The following CALN1 variants were observed in gnomAD, a reference collection of about 807,000 sequenced individuals.
CALN1 encodes the protein calneuron 1.
Under a neutral mutation model 30.6 loss-of-function variants are expected in CALN1, and 17 were observed. That is an observed-to-expected ratio of 0.56 (90% CI 0.38 to 0.83). The LOEUF is 0.83. Ranked by LOEUF, CALN1 falls within the 40% of genes least tolerant of loss-of-function variation. The pLI is 0.00. For synonymous variants in CALN1, 156 were observed against 131.4 expected, an observed-to-expected ratio of 1.19 and a Z score of -1.28; for missense variants, 291 against 354.9, an observed-to-expected ratio of 0.82 and a Z score of 1.45.
intron 2 of CALN1, among the ~76,000 whole-genome samples, chr7:72,316,095 G>C (rs902812810): frequency 2.0e-5 from 3 of 151,690 alleles, no homozygotes; most frequent in Non-Finnish European, 4.4e-5. Context: ...AGTTTGCAGT[G>C]AGCTGAGATT....
chr7:72,196,252 G>A (rs1471784411), intron 3 of CALN1, among the ~76,000 whole-genome samples: 1 of 152,096 alleles, frequency 6.6e-6, no homozygotes, highest in Non-Finnish European at 1.5e-5. Flanking sequence ...CAGGTAGCTG[G>A]GGCTACAGGC....
At chr7:71,946,758 T>C (rs897576840) in intron 5 of CALN1, among the ~76,000 whole-genome samples, 1 of 152,106 alleles carries the variant, frequency 6.6e-6, no homozygotes, top group African/African-American at 2.4e-5. Flanking sequence ...GAAAATAAAC[T>C]GTAAGGCATT....
intron 3 of CALN1, among the ~76,000 whole-genome samples, chr7:72,257,983 T>C (rs907913863): frequency 1.3e-5 from 2 of 150,838 alleles, no homozygotes; most frequent in African/African-American, 4.9e-5. Flanking sequence ...GGGAGGGGAG[T>C]GAGGGATAAA....
At chr7:72,231,513 T>G (rs2129550634) in intron 3 of CALN1, among the ~76,000 whole-genome samples, 1 of 152,330 alleles carries the variant, frequency 6.6e-6, no homozygotes, top group African/African-American at 2.4e-5. Flanking sequence ...TACCACATTT[T>G]CTTTATCTAG....
At chr7:72,240,406 G>A (rs577542470) in intron 3 of CALN1, among the ~76,000 whole-genome samples, 3 of 152,136 alleles carry the variant, frequency 2.0e-5, no homozygotes, top group South Asian at 2.1e-4. Context: ...TGTTGTACAG[G>A]CTGATCTTGA....
chr7:71,894,384 C>G (rs1793423112), intron 5 of CALN1, among the ~76,000 whole-genome samples: 1 of 152,130 alleles, frequency 6.6e-6, no homozygotes, highest in Admixed American at 6.5e-5. Flanking sequence ...GTCACCTCAG[C>G]CTTCTGAATT....
At chr7:72,087,765 A>G (rs1409347486) in intron 4 of CALN1, among the ~76,000 whole-genome samples, 8 of 152,210 alleles carry the variant, frequency 5.3e-5, no homozygotes, top group Admixed American at 4.6e-4. Context: ...CCAGGATCTA[A>G]GCTGTGGATA....
intron 5 of CALN1, among the ~76,000 whole-genome samples, chr7:72,016,998 C>CACAAAAAAAAAAAAAAA (rs1800419757): frequency 3.1e-5 from 1 of 31,962 alleles, no homozygotes; most frequent in Non-Finnish European, 5.8e-5. Flanking sequence ...ACTAAAAATA[C>CACAAAAAAAAAAAAAAA]AAAAAAAAAA....
intron 6 of CALN1, among the ~76,000 whole-genome samples, chr7:71,806,092 A>T (rs1787593213): frequency 6.6e-6 from 1 of 152,146 alleles, no homozygotes; most frequent in South Asian, 2.1e-4. Context: ...AAAAATAGCT[A>T]ATGCATGCTG....
At chr7:71,809,473 A>AAAAAAAAAG (rs1312845801) in intron 6 of CALN1, among the ~76,000 whole-genome samples, 1 of 151,268 alleles carries the variant, frequency 6.6e-6, no homozygotes, top group Admixed American at 6.6e-5. Flanking sequence ...TCAAAAAAAA[A>AAAAAAAAAG]AAAAAGAAAA....
intron 2 of CALN1, among the ~76,000 whole-genome samples, chr7:72,281,877 A>G (rs1797753035): frequency 6.6e-6 from 1 of 152,218 alleles, no homozygotes; most frequent in Non-Finnish European, 1.5e-5. Context: ...AATGTTGAGT[A>G]CTTTGCAGAG....
intron 2 of CALN1, among the ~76,000 whole-genome samples, chr7:72,389,365 C>T (rs553517397): frequency 7.2e-5 from 11 of 152,294 alleles, no homozygotes; most frequent in African/African-American, 2.6e-4. Flanking sequence ...GCTCCATCCT[C>T]AAAATTAAGC....
intron 3 of CALN1, among the ~76,000 whole-genome samples, chr7:72,249,502 C>T (rs946672822): frequency 4.2e-5 from 6 of 143,382 alleles, no homozygotes; most frequent in African/African-American, 8.3e-5. Context: ...ACAGGATCTT[C>T]AACAAGAAAC....
At chr7:72,217,081 G>A (rs773343443) in intron 3 of CALN1, among the ~76,000 whole-genome samples, 67 of 152,146 alleles carry the variant, frequency 4.4e-4, no homozygotes, top group Non-Finnish European at 6.9e-4. Context: ...AAGATGTTAA[G>A]AGGCAATAGA....
intron 5 of CALN1, among the ~76,000 whole-genome samples, chr7:71,867,024 A>G (rs979612783): frequency 2.0e-5 from 3 of 152,064 alleles, no homozygotes; most frequent in African/African-American, 7.2e-5. Flanking sequence ...GCATGCCTGT[A>G]ATCCCAGCTA....
At chr7:72,395,273 C>G (rs1448524968) in intron 2 of CALN1, among the ~76,000 whole-genome samples, 1 of 152,142 alleles carries the variant, frequency 6.6e-6, no homozygotes, top group Non-Finnish European at 1.5e-5. Context: ...AAGAACTAGG[C>G]ATGTCCCCGG....
chr7:72,262,347 TTTTG>T (rs1230331356), intron 3 of CALN1, among the ~76,000 whole-genome samples: 13 of 152,170 alleles, frequency 8.5e-5, no homozygotes, highest in Non-Finnish European at 8.8e-5. Flanking sequence ...CCTGGATCTT[TTTTG>T]TTTCTTTTTT....
chr7:71,788,918 A>G (rs1793150811), intron 6 of CALN1, among the ~76,000 whole-genome samples: 1 of 151,412 alleles, frequency 6.6e-6, no homozygotes, highest in South Asian at 2.1e-4. Flanking sequence ...TTGGCCTCCC[A>G]AAGTGCTGGG....
At chr7:72,149,524 T>G (rs1437187764) in intron 3 of CALN1, among the ~76,000 whole-genome samples, 2 of 152,028 alleles carry the variant, frequency 1.3e-5, no homozygotes, top group Non-Finnish European at 2.9e-5. Context: ...TTACCCAGCC[T>G]CAGATATTTC....
Sources: gnomAD v4.1 joint callset for allele counts (sites outside exome capture counted in the v4.1 genomes callset) on GRCh38, gnomAD v4.1.1 for gene constraint, MANE v1.5 for transcripts, NCBI Gene and HGNC (gene_info 2026-07-23, HGNC 2026-07-21) for gene names.